Variants in SYNE1 observed in about 807,000 individuals in gnomAD.
SYNE1 encodes the protein spectrin repeat containing nuclear envelope protein 1.
SYNE1 carries 616 observed loss-of-function variants against 1,111.0 expected under a neutral mutation model. The ratio of observed to expected loss-of-function variants is 0.55; its 90% CI spans 0.52 to 0.59. The LOEUF is 0.59. Among genes scored for constraint, SYNE1 ranks in the 20% least tolerant of loss-of-function variants. SYNE1 has a pLI of 0.00. For synonymous variants in SYNE1, 3,855 were observed against 3,825.8 expected (o/e 1.01, Z -0.28); for missense variants, 10,006 against 10,417.0 (o/e 0.96, Z 1.72).
chr6:152,397,113 T>C (rs2097745061), intron 49 of SYNE1, 133 bp from the exon 50 acceptor site: 2 of 860,772 alleles, frequency 2.3e-6, no homozygotes, highest in Admixed American at 2.0e-5. Flanking sequence ...AAATGATGCA[T>C]ACAATTGGGC....
chr6:152,250,855 C>T (rs953842643), intron 104 of SYNE1, among the ~76,000 whole-genome samples: 8 of 152,152 alleles, frequency 5.3e-5, no homozygotes, highest in Admixed American at 4.6e-4. Flanking sequence ...TGACATTCGT[C>T]CAGTTAATCT....
intron 58 of SYNE1, among the ~76,000 whole-genome samples, chr6:152,374,410 G>A (rs2097243886): frequency 6.6e-6 from 1 of 152,208 alleles, no homozygotes; most frequent in Non-Finnish European, 1.5e-5. Flanking sequence ...TTGTCTTAAT[G>A]GATGGCCATC....
At chr6:152,549,800 C>T (rs762727287) in intron 3 of SYNE1, among the ~76,000 whole-genome samples, 1 of 152,016 alleles carries the variant, frequency 6.6e-6, no homozygotes, top group Non-Finnish European at 1.5e-5. Context: ...TAAAGACTTA[C>T]ATTGCTCTTA....
intron 28 of SYNE1, among the ~76,000 whole-genome samples, chr6:152,448,115 A>G (rs572310643): frequency 9.8e-5 from 15 of 152,354 alleles, no homozygotes; most frequent in African/African-American, 3.6e-4. Context: ...TCATTAACTT[A>G]CATTTTCTGC....
intron 100 of SYNE1, 65 bp from the exon 101 acceptor site, chr6:152,262,253 A>G: frequency 6.9e-7 from 1 of 1,453,942 alleles, no homozygotes; most frequent in Non-Finnish European, 9.6e-7. Context: ...CAGGTAACTT[A>G]TTGTGTGTAC....
At chr6:152,297,781 CTGTGTGTGTGTGTGTG>C (rs377152081) in intron 93 of SYNE1, among the ~76,000 whole-genome samples, 3 of 119,784 alleles carry the variant, frequency 2.5e-5, no homozygotes, top group East Asian at 4.6e-4. Flanking sequence ...CAGTCTCACT[CTGTGTGTGTGTGTGTG>C]TGTGTGTGTG....
intron 131 of SYNE1, among the ~76,000 whole-genome samples, chr6:152,160,067 C>G (rs1051533834): frequency 9.9e-5 from 15 of 151,882 alleles, no homozygotes; most frequent in African/African-American, 3.6e-4. Flanking sequence ...AGTACAGTGG[C>G]GCGATCTCCG....
chr6:152,427,199 CTCAT>C (rs2098372114), intron 38 of SYNE1, among the ~76,000 whole-genome samples: 1 of 152,182 alleles, frequency 6.6e-6, no homozygotes, highest in Non-Finnish European at 1.5e-5. Context: ...TACATTTGTG[CTCAT>C]TCATTTTTTT....
chr6:152,219,607 T>C (rs9478303), intron 119 of SYNE1, among the ~76,000 whole-genome samples: 8,937 of 152,200 alleles, frequency 0.059, 920 homozygotes, highest in African/African-American at 0.21. Flanking sequence ...CAAAATGTTA[T>C]ATTTTTCCTT....
chr6:152,384,347 T>G (rs1425375788), intron 55 of SYNE1, among the ~76,000 whole-genome samples: 5 of 152,184 alleles, frequency 3.3e-5, no homozygotes, highest in Non-Finnish European at 5.9e-5. Context: ...CTCACTAGAC[T>G]GCAAGTTCCT....
At chr6:152,357,839 T>G (rs2096863778) in intron 66 of SYNE1, among the ~76,000 whole-genome samples, 1 of 152,222 alleles carries the variant, frequency 6.6e-6, no homozygotes, top group Admixed American at 6.5e-5. Flanking sequence ...CCACCATGTC[T>G]GGCATCTCAC....
chr6:152,268,774 TA>T (rs1382317549), intron 99 of SYNE1, among the ~76,000 whole-genome samples: 3 of 151,890 alleles, frequency 2.0e-5, no homozygotes, highest in African/African-American at 4.8e-5. Flanking sequence ...CTGCATTCAT[TA>T]AAAAAAATAA....
At chr6:152,412,851 A>AT (rs373723820) in intron 42 of SYNE1, among the ~76,000 whole-genome samples, 5,617 of 131,630 alleles carry the variant, frequency 0.043, 226 homozygotes, top group African/African-American at 0.09. Context: ...TTCACATGTA[A>AT]TTTTTTTTTT....
intron 129 of SYNE1, among the ~76,000 whole-genome samples, chr6:152,179,709 A>G (rs1195976135): frequency 1.2e-5 from 1 of 85,826 alleles, no homozygotes; most frequent in African/African-American, 5.7e-5. Flanking sequence ...TTTTTGAGAC[A>G]GAGTCTCGTT....
chr6:152,362,274 G>A lies in SYNE1; in HGVS notation c.10195C>T (p.Arg3399Ter). The A allele has an allele frequency of 1.2e-6, 2 of 1,614,162 alleles. No individual in the cohort carries two copies. Among genetic ancestry groups the A allele is most frequent in the South Asian group, 1.1e-5 (1 of 91,076 alleles). Residue 3399 changes from arginine (R) to a stop codon, truncating the protein, a stop_gained, in exon 64 of 146, where the codon CGA (arginine) becomes TGA (stop). Coordinates refer to ENST00000367255, the MANE Select transcript of SYNE1 (RefSeq NM_182961.4). LOFTEE classifies it high-confidence loss of function. ...CTATCCATCCAACCGGAGAACTGTC[G>A]AACGCCATCCTGATAACTTGTCCAC... is the stretch of plus-strand genomic sequence containing the variant. ...SKWTSYQDGV[R>*]QFSGWMDSME...
chr6:152,234,070 G>A (rs180674496), intron 111 of SYNE1, 107 bp from the exon 112 acceptor site: 1 of 1,178,414 alleles, frequency 8.5e-7, no homozygotes, highest in East Asian at 2.5e-5. Context: ...ATCCTGGAGG[G>A]GGTTATGCTG....
intron 74 of SYNE1, among the ~76,000 whole-genome samples, chr6:152,342,259 C>A (rs1056408229): frequency 1.3e-5 from 2 of 152,186 alleles, no homozygotes; most frequent in Non-Finnish European, 2.9e-5. Flanking sequence ...CTCCCTTTAT[C>A]TCTTTTATTT....
chr6:152,139,955 G>A lies in SYNE1; in HGVS notation c.25453C>T (p.Leu8485Phe). ...IQTIELQIKKLKELQKAVDHR... is the reference protein window; with the variant it reads ...IQTIELQIKKFKELQKAVDHR... ...GAAAGGCAAGGGGCAGCTACCTTGA[G>A]CTTTTTGATCTGGAGCTCGATGGTC... Residue 8485 changes from leucine to phenylalanine, a missense_variant, in exon 140 of 146, where the codon CTC becomes TTC. By Grantham distance (22) the Leu-to-Phe change is conservative. Coordinates refer to ENST00000367255, the MANE Select transcript of SYNE1 (RefSeq NM_182961.4). 3 of 1,613,402 alleles carry A rather than the reference G, an allele frequency of 1.9e-6. No individual in the cohort carries two copies. The highest frequency in any genetic ancestry group is 2.5e-6 in the Non-Finnish European group (3 of 1,180,030).
At chr6:152,208,727 T>C (rs113767323) in intron 124 of SYNE1, among the ~76,000 whole-genome samples, 143 of 152,364 alleles carry the variant, frequency 9.4e-4, no homozygotes, top group African/African-American at 3.3e-3. Context: ...ATAAACTCTC[T>C]CAGTATTCCC....
Sources: allele counts gnomAD v4.1 joint callset (sites outside exome capture counted in the v4.1 genomes callset), GRCh38; gene constraint gnomAD v4.1.1; transcripts MANE v1.5; gene names NCBI Gene and HGNC (gene_info 2026-07-23, HGNC 2026-07-21).